PCLO: variants seen among roughly 807,000 people sequenced by gnomAD.
The protein encoded by PCLO is protein piccolo.
PCLO carries 82 observed loss-of-function variants against 427.5 expected under a neutral mutation model. The observed-to-expected ratio is 0.19, with a 90% CI of 0.16 to 0.23. PCLO has a LOEUF of 0.23. Ranked by LOEUF, PCLO falls within the 10% of genes least tolerant of loss-of-function variation. The pLI, the probability that PCLO is intolerant of heterozygous loss-of-function variation, is 1.00. For missense variants in PCLO, 6,239 were observed against 6,115.9 expected (o/e 1.02, Z -0.67); for synonymous variants, 2,357 against 2,155.4 (o/e 1.09, Z -2.59).
chr7:83,150,047 G>T (rs2116667090), intron 2 of PCLO, among the ~76,000 whole-genome samples: 1 of 152,020 alleles, frequency 6.6e-6, no homozygotes, highest in South Asian at 2.1e-4. Flanking sequence ...CCTAACATTT[G>T]GTTCATTTTC....
At chr7:82,761,621 T>C in intron 22 of PCLO, 128 bp from the exon 23 acceptor site, 1 of 623,290 alleles carries the variant, frequency 1.6e-6, no homozygotes. Context: ...TCCTAAGTGC[T>C]AAATATCTTA....
chr7:82,819,651 C>G (rs1791749113), intron 20 of PCLO, among the ~76,000 whole-genome samples: 1 of 152,052 alleles, frequency 6.6e-6, no homozygotes, highest in African/African-American at 2.4e-5. Context: ...TCAGAATTAT[C>G]CTAATGTTTA....
chr7:82,858,477 A>G (rs1334968415), intron 10 of PCLO, among the ~76,000 whole-genome samples: 1 of 152,162 alleles, frequency 6.6e-6, no homozygotes, highest in Non-Finnish European at 1.5e-5. Flanking sequence ...AAAAAGAAAG[A>G]AAATACATCT....
intron 2 of PCLO, among the ~76,000 whole-genome samples, chr7:83,152,165 T>C (rs941235967): frequency 1.1e-4 from 17 of 151,796 alleles, no homozygotes; most frequent in East Asian, 2.0e-4. Context: ...GGGGTTTCAC[T>C]GTGTTAGCCA....
chr7:82,856,808 A>C (rs1351682407), intron 10 of PCLO, among the ~76,000 whole-genome samples: 1 of 152,128 alleles, frequency 6.6e-6, no homozygotes, highest in African/African-American at 2.4e-5. Context: ...CCTCCTCAAA[A>C]ACTCATGTTG....
intron 3 of PCLO, among the ~76,000 whole-genome samples, chr7:83,124,210 G>C (rs1020667271): frequency 2.6e-5 from 4 of 151,548 alleles, no homozygotes; most frequent in African/African-American, 2.4e-5. Context: ...CCAGCTACTC[G>C]GAAGGCTGAG....
rs1790286194 is a variant in PCLO at position 82,754,982 on chromosome 7, C to G, written c.*3593G>C. Reference sequence around the variant, plus strand: ...ATTTAAATAATAAAGTAAAAAAATACTATAAACATCTTTATGATATTTTAA... The same window carrying G: ...ATTTAAATAATAAAGTAAAAAAATAGTATAAACATCTTTATGATATTTTAA... On this transcript the variant is annotated 3_prime_UTR_variant, in exon 25 of 25. Transcript: ENST00000333891. The G allele has an allele frequency of 6.6e-6, 1 of 151,982 alleles. No individual in the cohort carries two copies. Among genetic ancestry groups the G allele is most frequent in the South Asian group, 2.1e-4 (1 of 4,824 alleles). 9.4% of individuals were successfully genotyped at this position (151,982 alleles called of 1,614,324 possible). A position where few individuals can be genotyped will look rare whatever the true frequency, so the allele number is the denominator to read the frequency against.
intron 3 of PCLO, 51 bp downstream of exon 3, chr7:83,134,199 C>A: frequency 1.8e-6 from 1 of 568,446 alleles, no homozygotes; most frequent in Non-Finnish European, 2.5e-6. Context: ...AATAAACCCA[C>A]AGACTCACCT....
rs1306309703 is a variant in PCLO, at chr7:82,951,181, C to G, written c.9407G>C (p.Ser3136Thr). ...AAAATATGATCTAGGCATTGGCTGG[C>G]TATGGTGCATGGCAGGTAATGAAGT... Reference protein sequence around the residue: ...AVTSLPAMHHSQPMPRSYFIT... With the variant: ...AVTSLPAMHHTQPMPRSYFIT... The change falls in exon 6 of 25, where the codon AGC becomes ACC. Residue 3136 changes from serine (S) to threonine (T), a missense_variant. Ser to Thr is a moderately conservative substitution (Grantham distance 58). Transcript: ENST00000333891. 3 of 1,613,524 alleles carry G rather than the reference C, an allele frequency of 1.9e-6. No individual in the cohort carries two copies. The highest frequency in any genetic ancestry group is 1.1e-5 in the South Asian group (1 of 91,042).
chr7:83,087,893 A>G (rs1169622254), intron 3 of PCLO, among the ~76,000 whole-genome samples: 1 of 152,128 alleles, frequency 6.6e-6, no homozygotes, highest in Non-Finnish European at 1.5e-5. Context: ...TCATAAAAAG[A>G]TTTTCATGGA....
Position 82,902,861 on chromosome 7 carries a change from AT to A in PCLO, c.13438-121del, listed in dbSNP as rs1324357758. ...TTAAATCAATGGAACGTAGTAGGAG[AT>A]TCTCACATGATGGCAATTTAAACAT... On this transcript the variant is annotated intron_variant, in intron 8 of 24. Coordinates refer to ENST00000333891, the MANE Select transcript of PCLO (RefSeq NM_033026.6). 6.7e-6 allele frequency: 4 copies of A among 599,876 alleles called. No individual in the cohort carries two copies. The Admixed American group carries it at 8.5e-5, about 13-fold the overall frequency. The allele number at this position is 599,876 out of a possible 1,614,324, so 37.2% of individuals were successfully genotyped here.
chr7:82,986,350 T>C (rs1274076445), intron 3 of PCLO, among the ~76,000 whole-genome samples: 1 of 57,486 alleles, frequency 1.7e-5, no homozygotes, highest in Non-Finnish European at 4.3e-5. Flanking sequence ...AAATTAGAAA[T>C]ATGCTCTTTT....
intron 3 of PCLO, among the ~76,000 whole-genome samples, chr7:82,977,978 A>T (rs1012704797): frequency 6.6e-6 from 1 of 152,140 alleles, no homozygotes; most frequent in Non-Finnish European, 1.5e-5. Context: ...AGAGTTGCAG[A>T]GTATCATTTT....
intron 3 of PCLO, among the ~76,000 whole-genome samples, chr7:83,103,007 A>AGGAATTTGGAACCATTATTATAGT (rs140473409): frequency 0.46 from 69,293 of 151,292 alleles, 16,254 homozygotes; most frequent in East Asian, 0.71. Context: ...TCCCTTCCTG[A>AGGAATTTGGAACCATTATTATAGT]GATATTTTAC....
At chr7:82,959,798 T>C (rs1429791517) in intron 4 of PCLO, among the ~76,000 whole-genome samples, 1 of 151,382 alleles carries the variant, frequency 6.6e-6, no homozygotes, top group Non-Finnish European at 1.5e-5. Flanking sequence ...TGATTTTTTT[T>C]CCCCTAAATA....
chr7:83,108,554 A>G (rs1260159465), intron 3 of PCLO, among the ~76,000 whole-genome samples: 1 of 152,044 alleles, frequency 6.6e-6, no homozygotes, highest in Non-Finnish European at 1.5e-5. Context: ...TGAGATAGAA[A>G]ATATTTTCTA....
intron 3 of PCLO, among the ~76,000 whole-genome samples, chr7:83,093,492 A>ATATATATATATTTTTTTTTT: frequency 5.9e-4 from 35 of 59,290 alleles, no homozygotes; most frequent in African/African-American, 1.7e-3. Context: ...ATATATATAT[A>ATATATATATATTTTTTTTTT]TTTTTTTTTT....
chr7:82,901,068 C>T (rs1794026399), intron 9 of PCLO, among the ~76,000 whole-genome samples: 1 of 151,690 alleles, frequency 6.6e-6, no homozygotes, highest in Admixed American at 6.6e-5. Flanking sequence ...TTCCTACAAC[C>T]AGTGACTGTA....
At chr7:83,141,696 T>C (rs1356910363) in intron 2 of PCLO, among the ~76,000 whole-genome samples, 4 of 152,218 alleles carry the variant, frequency 2.6e-5, no homozygotes, top group Admixed American at 2.0e-4. Context: ...TCAAATATAG[T>C]AATACAAGTT....
Sources: gnomAD v4.1 joint callset for allele counts (sites outside exome capture counted in the v4.1 genomes callset) on GRCh38, gnomAD v4.1.1 for gene constraint, MANE v1.5 for transcripts, NCBI Gene and HGNC (gene_info 2026-07-23, HGNC 2026-07-21) for gene names.